The following TMEM178B variants were observed in gnomAD, a reference collection of about 807,000 sequenced individuals.
The protein encoded by TMEM178B is transmembrane protein 178B.
TMEM178B carries 5 observed loss-of-function variants against 31.0 expected under a neutral mutation model. The ratio of observed to expected loss-of-function variants is 0.16; its 90% CI spans 0.08 to 0.34. TMEM178B has a LOEUF of 0.34. TMEM178B is among the 10% of genes least tolerant of loss of function. TMEM178B has a pLI of 1.00. For missense variants in TMEM178B, 275 were observed against 400.3 expected (o/e 0.69, Z 2.67); for synonymous variants, 164 against 164.0 (o/e 1.00, Z 0.00).
intron 1 of TMEM178B, among the ~76,000 whole-genome samples, chr7:141,135,304 T>A (rs1285398809): frequency 1.3e-5 from 2 of 152,186 alleles, no homozygotes; most frequent in Admixed American, 6.5e-5. Flanking sequence ...CACCCCACTC[T>A]CAGCATTGGA....
chr7:141,074,112 G>C lies in TMEM178B; in HGVS notation c.-199G>C, dbSNP rs1019299816. The C allele has an allele frequency of 1.2e-5, 9 of 737,462 alleles. No homozygotes were observed. The highest frequency in any genetic ancestry group is 1.8e-5 in the Non-Finnish European group (9 of 510,528). 45.7% of individuals were successfully genotyped at this position (737,462 alleles called of 1,614,324 possible). A position where few individuals can be genotyped will look rare whatever the true frequency, so the allele number is the denominator to read the frequency against. ...AGCCCGCGGGAGCCTCTCCGGATCA[G>C]AACTTTTTAGGCCGCCCGCCCCCAT... On this transcript the variant is annotated 5_prime_UTR_variant, in exon 1 of 4. Transcript: ENST00000565468. The surrounding 1 kb of genome is among the most constrained non-coding windows in gnomAD (Gnocchi z 5.1).
chr7:141,161,866 G>T (rs1440943119), intron 1 of TMEM178B, among the ~76,000 whole-genome samples: 1 of 152,016 alleles, frequency 6.6e-6, no homozygotes, highest in Non-Finnish European at 1.5e-5. Flanking sequence ...ATGTGAGTGT[G>T]CAGCTGTGTG....
intron 2 of TMEM178B, among the ~76,000 whole-genome samples, chr7:141,386,203 C>T: frequency 6.6e-6 from 1 of 152,188 alleles, no homozygotes; most frequent in East Asian, 1.9e-4. Flanking sequence ...TTAGTCCTCC[C>T]TGTTTCCTCC....
chr7:141,156,292 C>A (rs771591932), intron 1 of TMEM178B, among the ~76,000 whole-genome samples: 12 of 152,144 alleles, frequency 7.9e-5, no homozygotes, highest in Non-Finnish European at 1.2e-4. Flanking sequence ...TCTCTGAGGT[C>A]TTTTCCAGCC....
At chr7:141,333,483 C>T (rs1235513755) in intron 2 of TMEM178B, among the ~76,000 whole-genome samples, 1 of 152,172 alleles carries the variant, frequency 6.6e-6, no homozygotes, top group Non-Finnish European at 1.5e-5. Context: ...TTTTTAGGTG[C>T]CATGCAGAAT....
chr7:141,182,827 T>C (rs1261365069), intron 1 of TMEM178B, among the ~76,000 whole-genome samples: 1 of 152,204 alleles, frequency 6.6e-6, no homozygotes, highest in African/African-American at 2.4e-5. Context: ...CCACGTAAGA[T>C]GTGCCTTTGC....
chr7:141,157,875 T>C (rs1796099758), intron 1 of TMEM178B, among the ~76,000 whole-genome samples: 1 of 152,160 alleles, frequency 6.6e-6, no homozygotes, highest in African/African-American at 2.4e-5. Flanking sequence ...CCTTCCACCC[T>C]GCTTCCTGTG....
intron 1 of TMEM178B, among the ~76,000 whole-genome samples, chr7:141,178,512 C>CA (rs1435587783): frequency 6.6e-6 from 1 of 152,162 alleles, no homozygotes; most frequent in Non-Finnish European, 1.5e-5. Context: ...GCAACCTACA[C>CA]AAAGCTTAAA....
At chr7:141,112,366 C>T (rs948711412) in intron 1 of TMEM178B, among the ~76,000 whole-genome samples, 1 of 152,180 alleles carries the variant, frequency 6.6e-6, no homozygotes, top group African/African-American at 2.4e-5. Context: ...AATCCTCTCA[C>T]CTCAGCCTCC....
chr7:141,303,017 A>G (rs1349826999), intron 2 of TMEM178B, among the ~76,000 whole-genome samples: 2 of 152,224 alleles, frequency 1.3e-5, no homozygotes, highest in Non-Finnish European at 2.9e-5. Context: ...TAGGAGTTCC[A>G]GGGGGAGAAA....
At chr7:141,138,690 A>AT (rs1385307739) in intron 1 of TMEM178B, among the ~76,000 whole-genome samples, 5 of 152,096 alleles carry the variant, frequency 3.3e-5, no homozygotes, top group Non-Finnish European at 7.4e-5. Context: ...GGTTGAAAGT[A>AT]TAAAAGTGGT....
chr7:141,238,282 T>G (rs1797561464), intron 2 of TMEM178B, among the ~76,000 whole-genome samples: 2 of 151,980 alleles, frequency 1.3e-5, no homozygotes, highest in South Asian at 4.2e-4. Context: ...AGGTCTCACT[T>G]CTCTATGGAG....
chr7:141,481,851 G>A (rs1294602564), downstream of TMEM178B, among the ~76,000 whole-genome samples: 1 of 152,172 alleles, frequency 6.6e-6, no homozygotes, highest in East Asian at 1.9e-4. Flanking sequence ...ACCTTCCAGG[G>A]AAAACAGGTG....
intron 1 of TMEM178B, among the ~76,000 whole-genome samples, chr7:141,174,664 T>C (rs561373597): frequency 1.5e-4 from 23 of 152,340 alleles, no homozygotes; most frequent in Admixed American, 4.6e-4. Flanking sequence ...CTAACTGGCA[T>C]GAGATGGTAT....
At chr7:141,209,152 G>T (rs146432812) in intron 1 of TMEM178B, among the ~76,000 whole-genome samples, 1 of 152,300 alleles carries the variant, frequency 6.6e-6, no homozygotes, top group African/African-American at 2.4e-5. Context: ...CATGTCCAAG[G>T]CATGATGGTA....
intron 1 of TMEM178B, among the ~76,000 whole-genome samples, chr7:141,182,796 A>AC (rs1403276459): frequency 6.6e-6 from 1 of 152,190 alleles, no homozygotes; most frequent in Non-Finnish European, 1.5e-5. Flanking sequence ...GTTCCCCTGC[A>AC]CAAGCTCTCT....
At chr7:141,331,676 G>A (rs768736230) in intron 2 of TMEM178B, among the ~76,000 whole-genome samples, 1 of 152,166 alleles carries the variant, frequency 6.6e-6, no homozygotes, top group Admixed American at 6.5e-5. Context: ...GAAGGAAATG[G>A]GGAGGGGTAG....
chr7:141,268,184 G>A (rs779505033), intron 2 of TMEM178B, among the ~76,000 whole-genome samples: 1 of 152,194 alleles, frequency 6.6e-6, no homozygotes, highest in Non-Finnish European at 1.5e-5. Context: ...GACCCAGTTT[G>A]AAGCACTAAG....
chr7:141,145,999 G>A (rs973695879), intron 1 of TMEM178B, among the ~76,000 whole-genome samples: 7 of 152,218 alleles, frequency 4.6e-5, no homozygotes, highest in African/African-American at 1.7e-4. Flanking sequence ...AAGGGGAAGG[G>A]ATTTCTTATT....
Sources: gnomAD v4.1 joint callset for allele counts (sites outside exome capture counted in the v4.1 genomes callset) on GRCh38, gnomAD v4.1.1 for gene constraint, Gnocchi (gnomAD v3.1) non-coding constraint, MANE v1.5 for transcripts, NCBI Gene and HGNC (gene_info 2026-07-23, HGNC 2026-07-21) for gene names.